Variants in RUFY3 observed in about 807,000 individuals in gnomAD.
RUFY3 encodes the protein protein RUFY3.
RUFY3 carries 34 observed loss-of-function variants against 84.0 expected under a neutral mutation model. That is an observed-to-expected ratio of 0.40 (90% CI 0.31 to 0.54). RUFY3 has a LOEUF of 0.54. Ranked by LOEUF, RUFY3 falls within the 20% of genes least tolerant of loss-of-function variation. The pLI is 0.39. For missense variants in RUFY3, 507 were observed against 736.8 expected (o/e 0.69, Z 3.61); for synonymous variants, 242 against 252.9 (o/e 0.96, Z 0.41).
chr4:70,772,957 G>A (rs1300913371), intron 5 of RUFY3, among the ~76,000 whole-genome samples: 8 of 152,058 alleles, frequency 5.3e-5, no homozygotes, highest in Non-Finnish European at 1.2e-4. Flanking sequence ...CACTGCGCCC[G>A]GCCTTTGGTG....
intron 1 of RUFY3, among the ~76,000 whole-genome samples, chr4:70,708,645 T>C (rs1383126636): frequency 1.3e-5 from 2 of 152,206 alleles, no homozygotes. Flanking sequence ...TAAGGTGGTA[T>C]TATCTTTTTA....
At chr4:70,791,191 CCTT>C (rs762349746) in intron 12 of RUFY3, 2 of 1,570,242 alleles carry the variant, frequency 1.3e-6, no homozygotes, top group Non-Finnish European at 1.8e-6. Context: ...TTCTCATTCT[CCTT>C]TCACTTCATT....
chr4:70,744,017 TA>T (rs1469811614), intron 1 of RUFY3, among the ~76,000 whole-genome samples: 1 of 152,162 alleles, frequency 6.6e-6, no homozygotes, highest in African/African-American at 2.4e-5. Context: ...TACCTGCACA[TA>T]ACACACAATA....
At chr4:70,768,373 T>C (rs1726353084) in intron 4 of RUFY3, among the ~76,000 whole-genome samples, 165 bp from the exon 5 acceptor site, 1 of 152,160 alleles carries the variant, frequency 6.6e-6, no homozygotes, top group Non-Finnish European at 1.5e-5. Context: ...AAGTAAAATA[T>C]TTACTAAAGC....
intron 1 of RUFY3, among the ~76,000 whole-genome samples, chr4:70,757,592 G>A (rs1578106105): frequency 6.6e-6 from 1 of 152,114 alleles, no homozygotes; most frequent in Admixed American, 6.6e-5. Flanking sequence ...CAACAAGAGT[G>A]AAACTCCATC....
chr4:70,742,621 G>A (rs1685274669), intron 1 of RUFY3, among the ~76,000 whole-genome samples: 3 of 152,214 alleles, frequency 2.0e-5, no homozygotes, highest in South Asian at 4.1e-4. Context: ...GCTTAAGGAA[G>A]GCTTTTTACT....
At chr4:70,733,056 G>A (rs557912603) in intron 1 of RUFY3, among the ~76,000 whole-genome samples, 2 of 137,598 alleles carry the variant, frequency 1.5e-5, no homozygotes, top group African/African-American at 5.3e-5. Context: ...AACAGAGTGA[G>A]ACTCCATTTC....
chr4:70,738,943 T>C (rs1160529608), intron 1 of RUFY3, among the ~76,000 whole-genome samples: 3 of 150,946 alleles, frequency 2.0e-5, no homozygotes, highest in Non-Finnish European at 4.4e-5. Flanking sequence ...CTTGAACTCA[T>C]GGGCTAGGCG....
chr4:70,726,205 G>C (rs1181215845), intron 1 of RUFY3, among the ~76,000 whole-genome samples: 1 of 152,146 alleles, frequency 6.6e-6, no homozygotes, highest in Non-Finnish European at 1.5e-5. Flanking sequence ...TGAGGGGCTG[G>C]GTGGCTGGAG....
chr4:70,705,267 GGCGGCAGCA>G (rs779837655), exon 1 of RUFY3: 20 of 1,439,502 alleles, frequency 1.4e-5, no homozygotes, highest in African/African-American at 1.2e-4. Flanking sequence ...GAGCGGCGGC[GGCGGCAGCA>G]GCGGCAGCGG....
chr4:70,774,644 AATATAT>A lies in RUFY3; in HGVS notation c.759-502_759-497del, dbSNP rs1553916772. Among the ~76,000 whole-genome samples the A allele has an allele frequency of 8.9e-3, 505 of 56,672 alleles. 19 individuals carry two copies. The highest frequency in any genetic ancestry group is 0.037 in the African/African-American group (448 of 11,962). The allele number at this position is 56,672 out of a possible 152,430, so 37.2% of individuals were successfully genotyped here. A position where few individuals can be genotyped will look rare whatever the true frequency, so the allele number is the denominator to read the frequency against. On this transcript the variant is annotated intron_variant, in intron 6 of 17. Transcript: ENST00000381006. Reference sequence around the variant, plus strand: ...AAAAAAAAAAAAAAAAAAAAAAAAAAATATATATATATATATATATATATATAAAAT... The same window carrying A: ...AAAAAAAAAAAAAAAAAAAAAAAAAAATATATATATATATATATATAAAAT...
rs1733023570 is a variant in RUFY3 at position 70,808,271 on chromosome 4, G to C, written c.*1612G>C. ...AACCCATGGATATGGAGGGCTGACT[G>C]TACTTACTTACATATCTATCTATCT... On this transcript the variant is annotated 3_prime_UTR_variant, in exon 18 of 18. Transcript: ENST00000381006. Among the ~76,000 whole-genome samples, 1 of 151,964 alleles carries C rather than the reference G, an allele frequency of 6.6e-6. No individual in the cohort carries two copies. Among genetic ancestry groups the C allele is most frequent in the Non-Finnish European group, 1.5e-5 (1 of 68,030 alleles).
intron 1 of RUFY3, among the ~76,000 whole-genome samples, chr4:70,752,925 A>G (rs1723363351): frequency 6.6e-6 from 1 of 152,160 alleles, no homozygotes. Context: ...TCATAGAATG[A>G]GTTCGGAAGT....
At chr4:70,789,933 T>C (rs1264107999) in intron 12 of RUFY3, 14 of 1,000,620 alleles carry the variant, frequency 1.4e-5, no homozygotes, top group Middle Eastern at 5.0e-4. Context: ...ATGTATGTAA[T>C]TCTGTGATTT....
chr4:70,736,360 A>G (rs1560469084), intron 1 of RUFY3, among the ~76,000 whole-genome samples: 1 of 152,148 alleles, frequency 6.6e-6, no homozygotes, highest in African/African-American at 2.4e-5. Flanking sequence ...AAGATTTAGT[A>G]TCAGATTCTC....
chr4:70,733,094 AG>A (rs756248205), intron 1 of RUFY3, among the ~76,000 whole-genome samples: 7,916 of 71,192 alleles, frequency 0.11, 823 homozygotes, highest in African/African-American at 0.3. Flanking sequence ...AGAGAGAGAG[AG>A]GAGAGAGAGA....
chr4:70,804,471 C>T (rs1732619417), intron 17 of RUFY3, 55 bp downstream of exon 17: 34 of 1,452,730 alleles, frequency 2.3e-5, no homozygotes, highest in Non-Finnish European at 2.8e-5. Context: ...CAGCAGCCCC[C>T]AGTCCCTCCC....
At chr4:70,787,187 AAT>A (rs1202870337) in intron 10 of RUFY3, among the ~76,000 whole-genome samples, 14,955 of 80,570 alleles carry the variant, frequency 0.19, 1,532 homozygotes, top group East Asian at 0.34. Flanking sequence ...AAAAAAAAAA[AAT>A]ATATATATAT....
chr4:70,715,324 G>A (rs1248113690), intron 1 of RUFY3, among the ~76,000 whole-genome samples: 1 of 152,146 alleles, frequency 6.6e-6, no homozygotes, highest in Non-Finnish European at 1.5e-5. Flanking sequence ...GCTCATGCCT[G>A]TAATCCCCCA....
Sources: gnomAD v4.1 joint callset for allele counts (sites outside exome capture counted in the v4.1 genomes callset) on GRCh38, gnomAD v4.1.1 for gene constraint, MANE v1.5 for transcripts, NCBI Gene and HGNC (gene_info 2026-07-23, HGNC 2026-07-21) for gene names.